The following FAM13C variants were observed in gnomAD, a reference collection of about 807,000 sequenced individuals.
FAM13C encodes protein FAM13C.
FAM13C carries 37 observed loss-of-function variants against 73.2 expected under a neutral mutation model. That is an observed-to-expected ratio of 0.51 (90% confidence interval 0.39 to 0.67). The LOEUF (loss-of-function observed/expected upper bound fraction) is 0.67. Among genes scored for constraint, FAM13C ranks in the 30% least tolerant of loss-of-function variants. The pLI is 0.00. For synonymous variants in FAM13C, 246 were observed against 260.9 expected, an observed-to-expected ratio of 0.94 and a Z score of 0.55; for missense variants, 589 against 715.6, an observed-to-expected ratio of 0.82 and a Z score of 2.02.
chr10:59,253,550 A>G (rs2133380623), intron 11 of FAM13C, among the ~76,000 whole-genome samples: 1 of 152,326 alleles, frequency 6.6e-6, no homozygotes, highest in Middle Eastern at 3.4e-3. Flanking sequence ...TATCACAACT[A>G]GAAGATTCTC....
At position 59,355,952 on chromosome 10, in the gene FAM13C, G is replaced by C; in HGVS notation, c.63-9C>G. 6.2e-7 allele frequency: 1 copy of C among 1,613,700 alleles called. No homozygotes were observed. The highest frequency in any genetic ancestry group is 1.1e-5 in the South Asian group (1 of 91,064). On this transcript the variant is annotated splice_polypyrimidine_tract_variant and intron_variant, in intron 1 of 13. Transcript: ENST00000618804. ...CTGGATCTTCGTCACACCTGGAAGAGTGGGAAGAAAAATCACATCAGATCC... is the reference window on the plus strand; with the variant it reads ...CTGGATCTTCGTCACACCTGGAAGACTGGGAAGAAAAATCACATCAGATCC...
At chr10:59,264,639 T>A (rs1207961106) in intron 8 of FAM13C, among the ~76,000 whole-genome samples, 1 of 152,150 alleles carries the variant, frequency 6.6e-6, no homozygotes, top group Non-Finnish European at 1.5e-5. Flanking sequence ...CGTGGGAGAA[T>A]ACTGAAAAAC....
chr10:59,319,701 T>C (rs1209475488), intron 4 of FAM13C, among the ~76,000 whole-genome samples: 1 of 152,212 alleles, frequency 6.6e-6, no homozygotes, highest in Non-Finnish European at 1.5e-5. Flanking sequence ...AAGAGAGAAC[T>C]TGAGCAAATC....
chr10:59,249,149 A>C (rs754840603), intron 13 of FAM13C, among the ~76,000 whole-genome samples: 1 of 152,164 alleles, frequency 6.6e-6, no homozygotes, highest in Non-Finnish European at 1.5e-5. Context: ...TCACGCCTGT[A>C]ATCCCAGCAC....
chr10:59,333,104 C>T (rs1428853288), intron 3 of FAM13C, among the ~76,000 whole-genome samples: 1 of 152,084 alleles, frequency 6.6e-6, no homozygotes, highest in East Asian at 1.9e-4. Context: ...GCCTCCAAAA[C>T]AGCCGGGACT....
chr10:59,344,273 C>T (rs1853949349), intron 3 of FAM13C, among the ~76,000 whole-genome samples: 1 of 124,164 alleles, frequency 8.1e-6, no homozygotes, highest in Non-Finnish European at 1.7e-5. Context: ...CTATAAACTA[C>T]TTCTTTTTTT....
At chr10:59,352,122 C>T in intron 3 of FAM13C, 148 bp downstream of exon 3, 1 of 808,638 alleles carries the variant, frequency 1.2e-6, no homozygotes, top group South Asian at 1.8e-5. Context: ...CAAGAGCTTC[C>T]ACGTGTCTCA....
At chr10:59,256,940 T>C (rs1410425901) in intron 10 of FAM13C, among the ~76,000 whole-genome samples, 1 of 152,202 alleles carries the variant, frequency 6.6e-6, no homozygotes, top group Non-Finnish European at 1.5e-5. Flanking sequence ...TAGTTGCTGC[T>C]GGCTGTAGTA....
chr10:59,251,620 T>C lies in FAM13C; in HGVS notation c.1589A>G (p.Lys530Arg), dbSNP rs750753166. ...ETRADKKRLR[K>R]ALREFEEQFF... ...CTGTTCTTCAAATTCTCTTAAGGCT[T>C]TCCGCAGTCTCTTCTTGTCAGCCCT... Residue 530 changes from lysine (K) to arginine (R), a missense_variant, in exon 13 of 14, where the codon AAA becomes AGA. Transcript: ENST00000618804. 1 of 1,613,806 alleles carries C rather than the reference T, an allele frequency of 6.2e-7. No individual in the cohort carries two copies. Among genetic ancestry groups the C allele is most frequent in the South Asian group, 1.1e-5 (1 of 91,028 alleles).
At chr10:59,251,827 A>G in intron 12 of FAM13C, 151 bp from the exon 13 acceptor site, 1 of 583,606 alleles carries the variant, frequency 1.7e-6, no homozygotes, top group Non-Finnish European at 2.9e-6. Flanking sequence ...ACACACATAG[A>G]GCCTGACCAT....
At chr10:59,310,765 C>T (rs745532219) in intron 4 of FAM13C, among the ~76,000 whole-genome samples, 3 of 152,218 alleles carry the variant, frequency 2.0e-5, no homozygotes, top group Admixed American at 1.3e-4. Flanking sequence ...CAGAAGCCAA[C>T]TTCCCCAACC....
chr10:59,362,041 A>G (rs1856482325), intron 1 of FAM13C, among the ~76,000 whole-genome samples: 1 of 152,212 alleles, frequency 6.6e-6, no homozygotes, highest in Non-Finnish European at 1.5e-5. Context: ...GTAAATGTAT[A>G]TAGTGTGCAC....
intron 10 of FAM13C, among the ~76,000 whole-genome samples, chr10:59,260,467 C>G (rs1342233163): frequency 6.6e-6 from 1 of 152,132 alleles, no homozygotes; most frequent in African/African-American, 2.4e-5. Context: ...GCCTTCATAC[C>G]TGCAATTCCA....
intron 5 of FAM13C, among the ~76,000 whole-genome samples, chr10:59,284,796 G>A (rs974867570): frequency 2.8e-5 from 4 of 142,818 alleles, no homozygotes; most frequent in Non-Finnish European, 6.1e-5. Flanking sequence ...TCCAGCCCCC[G>A]AAACCTCCCA....
chr10:59,361,179 G>A (rs778106939), intron 1 of FAM13C: 12 of 1,045,986 alleles, frequency 1.1e-5, no homozygotes, highest in African/African-American at 5.0e-5. Context: ...GTCCAAATGA[G>A]TATTTTACAT....
intron 5 of FAM13C, chr10:59,296,942 T>A (rs1418203999): frequency 6.6e-6 from 1 of 152,228 alleles, no homozygotes; most frequent in African/African-American, 2.4e-5. Flanking sequence ...GCAAAAATAT[T>A]TCTACCTTAT....
chr10:59,281,073 A>G (rs1327674948), intron 6 of FAM13C, among the ~76,000 whole-genome samples: 1 of 152,244 alleles, frequency 6.6e-6, no homozygotes, highest in Non-Finnish European at 1.5e-5. Context: ...ATTTGTATAC[A>G]TGTAAGGCTC....
At chr10:59,311,889 C>T (rs367608462) in intron 4 of FAM13C, among the ~76,000 whole-genome samples, 18 of 152,272 alleles carry the variant, frequency 1.2e-4, no homozygotes, top group African/African-American at 3.6e-4. Flanking sequence ...TTCCTCCTTC[C>T]CTAGATCCTG....
chr10:59,268,717 G>A (rs41283702), intron 7 of FAM13C, 26 bp from the exon 8 acceptor site: 78,761 of 1,602,594 alleles, frequency 0.049, 7,608 homozygotes, highest in African/African-American at 0.41. Flanking sequence ...GGAGGAAGGA[G>A]TATCAAAAAC....
Sources: allele counts gnomAD v4.1 joint callset (sites outside exome capture counted in the v4.1 genomes callset), GRCh38; gene constraint gnomAD v4.1.1; transcripts MANE v1.5; gene names NCBI Gene and HGNC (gene_info 2026-07-23, HGNC 2026-07-21).